The following UCK2 variants were observed in gnomAD, a reference collection of about 807,000 sequenced individuals.
UCK2 encodes the protein uridine-cytidine kinase 2, also known as cytidine monophosphokinase 2.
UCK2 carries 6 observed loss-of-function variants against 30.8 expected under a neutral mutation model. The ratio of observed to expected loss-of-function variants is 0.19; its 90% CI spans 0.11 to 0.38. UCK2 has a LOEUF of 0.38. UCK2 is among the 10% of genes least tolerant of loss of function. UCK2 has a pLI of 1.00. For missense variants in UCK2, 210 were observed against 339.8 expected (o/e 0.62, Z 3.00); for synonymous variants, 125 against 133.6 (o/e 0.94, Z 0.45).
intron 1 of UCK2, among the ~76,000 whole-genome samples, chr1:165,872,905 A>T (rs1655238232): frequency 6.6e-6 from 1 of 152,204 alleles, no homozygotes; most frequent in South Asian, 2.1e-4. Context: ...TCCGGCTGGG[A>T]GATAGAGTAG....
At chr1:165,846,434 T>G (rs926134247) in intron 1 of UCK2, among the ~76,000 whole-genome samples, 4 of 151,984 alleles carry the variant, frequency 2.6e-5, no homozygotes, top group Admixed American at 2.0e-4. Context: ...AAAAAGAGAC[T>G]GCCCTTTTTT....
intron 1 of UCK2, among the ~76,000 whole-genome samples, chr1:165,839,429 A>G (rs1654272000): frequency 1.3e-5 from 2 of 152,104 alleles, no homozygotes; most frequent in Non-Finnish European, 2.9e-5. Context: ...GTCAGGAGAC[A>G]TCCATTGTTA....
chr1:165,896,382 G>A (rs566185092), intron 4 of UCK2, 50 bp downstream of exon 4: 10 of 1,605,726 alleles, frequency 6.2e-6, no homozygotes, highest in Admixed American at 3.4e-5. Flanking sequence ...CCTTGAGGGC[G>A]GGGGAGCTGG....
chr1:165,888,624 A>G (rs1441251122), intron 1 of UCK2, among the ~76,000 whole-genome samples: 1 of 132,466 alleles, frequency 7.5e-6, no homozygotes, highest in Admixed American at 7.6e-5. Flanking sequence ...TATTCGGTTG[A>G]CCAGTTTCTT....
chr1:165,863,399 G>C (rs1401066805), intron 1 of UCK2, among the ~76,000 whole-genome samples: 2 of 152,146 alleles, frequency 1.3e-5, no homozygotes, highest in East Asian at 3.9e-4. Context: ...TTTTAGATTT[G>C]CAGCAGTATT....
rs912944032 is a variant in UCK2, at chr1:165,890,371, G to A, written c.259+8G>A. The A allele has an allele frequency of 6.2e-6, 10 of 1,613,486 alleles. No individual in the cohort carries two copies. The Admixed American group carries it at 6.7e-5, about 11-fold the overall frequency. ...TCAACTTTGACCACCCGGGTGAGTC[G>A]GGCATTGAAGGGGGTATGTATCTGT... is the stretch of plus-strand genomic sequence containing the variant. On this transcript the variant is annotated splice_region_variant and intron_variant, in intron 2 of 6. Transcript: ENST00000367879.
At chr1:165,895,631 A>G in intron 3 of UCK2, 5 of 985,466 alleles carry the variant, frequency 5.1e-6, no homozygotes, top group Non-Finnish European at 6.0e-6. Flanking sequence ...CTTCCTCACA[A>G]ATGCTTTCTC....
chr1:165,844,225 G>A (rs1158615250), intron 1 of UCK2, among the ~76,000 whole-genome samples: 1 of 152,220 alleles, frequency 6.6e-6, no homozygotes, highest in Non-Finnish European at 1.5e-5. Context: ...GAAAGGGCAC[G>A]TATGCCTTCT....
chr1:165,906,717 T>C (rs1393467686), intron 6 of UCK2, among the ~76,000 whole-genome samples: 1 of 152,242 alleles, frequency 6.6e-6, no homozygotes, highest in African/African-American at 2.4e-5. Context: ...TGAATGTCTC[T>C]GGACTAGGCG....
intron 1 of UCK2, among the ~76,000 whole-genome samples, chr1:165,845,441 G>A (rs1654424524): frequency 6.6e-6 from 1 of 152,120 alleles, no homozygotes; most frequent in Admixed American, 6.5e-5. Context: ...TAAAATGAAT[G>A]TTACCTCTCT....
rs1455925537 is a variant in UCK2, at chr1:165,890,189, C to T, written c.100-15C>T. On this transcript the variant is annotated splice_polypyrimidine_tract_variant and intron_variant, in intron 1 of 6. Coordinates refer to ENST00000367879, the MANE Select transcript of UCK2 (RefSeq NM_012474.5). The stretch of plus-strand genomic sequence containing the variant: ...CCTTTCTCTTATTCCTGGGTGCTCT[C>T]TTCTCTCCTCACAGTCTTCCGTGTG... 2.5e-6 allele frequency: 4 copies of T among 1,613,770 alleles called. No individual in the cohort carries two copies. The South Asian group carries it at 4.4e-5, about 18-fold the overall frequency.
At chr1:165,850,196 T>A in intron 1 of UCK2, among the ~76,000 whole-genome samples, 1 of 150,122 alleles carries the variant, frequency 6.7e-6, no homozygotes, top group East Asian at 2.0e-4. Flanking sequence ...CATGTTGTGA[T>A]CTTGGCTCAC....
intron 1 of UCK2, among the ~76,000 whole-genome samples, chr1:165,884,013 G>T (rs796884259): frequency 2.6e-5 from 4 of 152,274 alleles, no homozygotes; most frequent in African/African-American, 9.6e-5. Context: ...ACCCCTACCC[G>T]CAAAGGAGTG....
intron 1 of UCK2, among the ~76,000 whole-genome samples, chr1:165,835,237 T>C (rs1377941049): frequency 2.0e-5 from 3 of 148,064 alleles, no homozygotes; most frequent in Non-Finnish European, 2.9e-5. Context: ...TTTTGGACTA[T>C]GGTCTAAAAG....
At chr1:165,879,545 T>TTTACTATTATTATTATTATTA (rs1655426483) in intron 1 of UCK2, among the ~76,000 whole-genome samples, 1 of 146,836 alleles carries the variant, frequency 6.8e-6, no homozygotes, top group Non-Finnish European at 1.5e-5. Context: ...ATGTTTGCTT[T>TTTACTATTATTATTATTATTA]TTATTATTAT....
intron 1 of UCK2, among the ~76,000 whole-genome samples, chr1:165,838,803 T>G (rs1654258700): frequency 6.6e-6 from 1 of 151,368 alleles, no homozygotes; most frequent in Non-Finnish European, 1.5e-5. Context: ...ATCGCAGCAC[T>G]TTGGGAGGCC....
In UCK2 at chr1:165,827,768, A is replaced by C; in HGVS notation, c.-66A>C. On this transcript the variant is annotated 5_prime_UTR_variant, in exon 1 of 7. Transcript: ENST00000367879. ...GGCTGCGGAAAGCGGAGGGAGTCCG[A>C]CGCGGGCGCGGGCGGGGAGCGTGCG... 1 of 1,269,686 alleles carries C rather than the reference A, an allele frequency of 7.9e-7. No homozygotes were observed. The highest frequency in any genetic ancestry group is 1.5e-5 in the African/African-American group (1 of 64,664). The allele number at this position is 1,269,686 out of a possible 1,614,324, so 78.7% of individuals were successfully genotyped here.
At chr1:165,879,548 A>T (rs997814118) in intron 1 of UCK2, among the ~76,000 whole-genome samples, 1 of 149,188 alleles carries the variant, frequency 6.7e-6, no homozygotes, top group African/African-American at 2.5e-5. Flanking sequence ...TTTGCTTTTT[A>T]TTATTATTAT....
intron 1 of UCK2, among the ~76,000 whole-genome samples, chr1:165,851,539 A>G (rs1163098340): frequency 1.3e-5 from 2 of 152,134 alleles, no homozygotes; most frequent in Admixed American, 6.5e-5. Flanking sequence ...TACTCTGTGC[A>G]TGCCACTCCC....
Sources: gnomAD v4.1 joint callset for allele counts (sites outside exome capture counted in the v4.1 genomes callset) on GRCh38, gnomAD v4.1.1 for gene constraint, MANE v1.5 for transcripts, NCBI Gene and HGNC (gene_info 2026-07-23, HGNC 2026-07-21) for gene names.